SRGAP3: variants seen among roughly 807,000 people sequenced by gnomAD.
The protein encoded by SRGAP3 is SLIT-ROBO Rho GTPase activating protein 3, also known as SLIT-ROBO Rho GTPase-activating protein 3.
A neutral mutation model predicts 121.1 loss-of-function variants in SRGAP3; 39 were observed. The ratio of observed to expected loss-of-function variants is 0.32; its 90% CI spans 0.25 to 0.42. The LOEUF (loss-of-function observed/expected upper bound fraction) is 0.42, where lower values mean the gene tolerates loss of function less well. Among genes scored for constraint, SRGAP3 ranks in the 10% least tolerant of loss-of-function variants. SRGAP3 has a pLI of 1.00. For missense variants in SRGAP3, 1,213 were observed against 1,470.6 expected (o/e 0.82, Z 2.86); for synonymous variants, 601 against 570.0 (o/e 1.05, Z -0.77).
chr3:9,336,180 C>T (rs909009921), intron 1 of SRGAP3, among the ~76,000 whole-genome samples: 1 of 151,940 alleles, frequency 6.6e-6, no homozygotes, highest in African/African-American at 2.4e-5. Context: ...CTTTTCAGAA[C>T]TTGTCTTTTG....
At chr3:9,266,813 C>T (rs777341689) in intron 3 of SRGAP3, among the ~76,000 whole-genome samples, 27 of 152,104 alleles carry the variant, frequency 1.8e-4, no homozygotes, top group Non-Finnish European at 3.5e-4. Flanking sequence ...TACCAGGCCC[C>T]AATAAATACT....
Position 9,091,926 on chromosome 3 carries a change from T to C in SRGAP3, c.424-11839A>G, listed in dbSNP as rs185696529. Among the ~76,000 whole-genome samples the C allele has an allele frequency of 1.8e-4, 28 of 152,304 alleles. No homozygotes were observed. In the East Asian group the frequency reaches 5.4e-3, roughly 29 times the overall value. On this transcript the variant is annotated intron_variant, in intron 3 of 21. Transcript: ENST00000383836. ...TTGCTGAACTCCAAATGTTGTCATC[T>C]ACTCATTTTTCAAGAATGCAGATTC...
intron 14 of SRGAP3, among the ~76,000 whole-genome samples, chr3:9,020,549 G>A (rs920223698): frequency 4.6e-5 from 7 of 152,126 alleles, no homozygotes; most frequent in African/African-American, 1.4e-4. Flanking sequence ...CCTCCATGTT[G>A]CCTAGTACTA....
chr3:9,322,320 C>T (rs17050234), intron 3 of SRGAP3, among the ~76,000 whole-genome samples: 12,905 of 151,732 alleles, frequency 0.085, 1,761 homozygotes, highest in African/African-American at 0.29. Flanking sequence ...TTTCCAAGTG[C>T]GTTAAGTGGC....
chr3:9,215,921 T>C (rs1052772108), intron 1 of SRGAP3, among the ~76,000 whole-genome samples: 1 of 152,216 alleles, frequency 6.6e-6, no homozygotes, highest in Admixed American at 6.5e-5. Flanking sequence ...CTCCAGCTTG[T>C]AGATGGCCTA....
At chr3:9,321,586 G>A (rs549160387) in intron 3 of SRGAP3, among the ~76,000 whole-genome samples, 2 of 151,942 alleles carry the variant, frequency 1.3e-5, no homozygotes, top group South Asian at 4.2e-4. Flanking sequence ...GTCATTTGTT[G>A]GTGCTGGTCT....
At chr3:9,321,411 T>C (rs75074152) in intron 3 of SRGAP3, among the ~76,000 whole-genome samples, 11,876 of 151,972 alleles carry the variant, frequency 0.078, 721 homozygotes, top group East Asian at 0.28. Context: ...AGATAACTAA[T>C]ACAAGGACAA....
chr3:9,016,069 A>ACAC (rs1339050964), intron 14 of SRGAP3: 22 of 351,304 alleles, frequency 6.3e-5, no homozygotes, highest in South Asian at 4.9e-4. Flanking sequence ...ACATCAAAAC[A>ACAC]CACCACCGCT....
intron 3 of SRGAP3, among the ~76,000 whole-genome samples, chr3:9,302,823 G>A (rs898556124): frequency 4.6e-5 from 7 of 152,118 alleles, no homozygotes; most frequent in South Asian, 2.1e-4. Flanking sequence ...CCGGGTACAA[G>A]GGGGAGAGGC....
chr3:9,173,476 T>C (rs551071734), intron 1 of SRGAP3, among the ~76,000 whole-genome samples: 13 of 152,020 alleles, frequency 8.6e-5, no homozygotes, highest in African/African-American at 3.1e-4. Flanking sequence ...CACTGGACAG[T>C]GGGAGAAATA....
chr3:9,142,575 C>T (rs914885240), intron 1 of SRGAP3, among the ~76,000 whole-genome samples: 2 of 152,178 alleles, frequency 1.3e-5, no homozygotes, highest in Non-Finnish European at 2.9e-5. Flanking sequence ...AAAAACACCT[C>T]ATGTTTATTA....
chr3:8,991,924 A>G (rs1482285292), intron 20 of SRGAP3, among the ~76,000 whole-genome samples: 2 of 152,208 alleles, frequency 1.3e-5, no homozygotes, highest in African/African-American at 4.8e-5. Context: ...AGGGCGGGGG[A>G]CAAGGGAGAG....
chr3:9,061,226 C>T (rs1482594308), intron 5 of SRGAP3, among the ~76,000 whole-genome samples: 1 of 152,090 alleles, frequency 6.6e-6, no homozygotes, highest in African/African-American at 2.4e-5. Flanking sequence ...GAGGGAGACT[C>T]CGTCTCAATC....
chr3:9,200,978 C>T (rs780132719), intron 1 of SRGAP3, among the ~76,000 whole-genome samples: 9 of 152,098 alleles, frequency 5.9e-5, no homozygotes, highest in Non-Finnish European at 1.2e-4. Context: ...GGAAATGCAC[C>T]GAGGGAGGCC....
intron 3 of SRGAP3, among the ~76,000 whole-genome samples, chr3:9,300,953 A>C (rs1955044655): frequency 6.6e-6 from 1 of 152,098 alleles, no homozygotes; most frequent in Admixed American, 6.6e-5. Flanking sequence ...ACCTGACTGA[A>C]TGCACAAGCT....
intron 1 of SRGAP3, among the ~76,000 whole-genome samples, chr3:9,176,199 C>T (rs541883870): frequency 1.3e-5 from 2 of 152,208 alleles, no homozygotes; most frequent in Admixed American, 1.3e-4. Flanking sequence ...GGATTACAGG[C>T]GTGAGCAACC....
At chr3:9,156,269 G>A (rs190225477) in intron 1 of SRGAP3, among the ~76,000 whole-genome samples, 51 of 152,322 alleles carry the variant, frequency 3.3e-4, no homozygotes, top group Non-Finnish European at 6.3e-4. Context: ...ACAGGGTCTT[G>A]CTCTGTTGAA....
intron 3 of SRGAP3, among the ~76,000 whole-genome samples, chr3:9,273,790 A>AT (rs36045665): frequency 0.09 from 12,528 of 138,730 alleles, 1,602 homozygotes; most frequent in African/African-American, 0.29. Context: ...GTTCAACTTC[A>AT]TTTTTTTTTT....
intron 3 of SRGAP3, among the ~76,000 whole-genome samples, chr3:9,321,177 A>G (rs1955432960): frequency 6.6e-6 from 1 of 151,832 alleles, no homozygotes; most frequent in Non-Finnish European, 1.5e-5. Flanking sequence ...GCCCTCAGCC[A>G]ACAGTCAGAA....
Sources: allele counts gnomAD v4.1 joint callset (sites outside exome capture counted in the v4.1 genomes callset), GRCh38; gene constraint gnomAD v4.1.1; transcripts MANE v1.5; gene names NCBI Gene and HGNC (gene_info 2026-07-23, HGNC 2026-07-21).